Variants in ZNF69 observed in about 807,000 individuals in gnomAD.
The protein encoded by ZNF69 is zinc finger protein 69.
ZNF69 carries 47 observed loss-of-function variants against 50.9 expected under a neutral mutation model. The observed-to-expected ratio is 0.92, with a 90% CI of 0.73 to 1.18. The LOEUF (loss-of-function observed/expected upper bound fraction) is 1.18. Among genes scored for constraint, ZNF69 ranks in the 50% most tolerant of loss-of-function variants. The pLI is 0.00. For missense variants in ZNF69, 717 were observed against 675.1 expected (o/e 1.06, Z -0.69); for synonymous variants, 216 against 223.1 (o/e 0.97, Z 0.29).
At chr19:11,890,133 T>C (rs188737884) in intron 1 of ZNF69, among the ~76,000 whole-genome samples, 16 of 152,274 alleles carry the variant, frequency 1.1e-4, no homozygotes, top group Non-Finnish European at 2.1e-4. Flanking sequence ...CTTCCTCTTA[T>C]CTCAACTGCA....
At chr19:11,918,488 G>A (rs1016273355), downstream of ZNF69, among the ~76,000 whole-genome samples, 3 of 151,806 alleles carry the variant, frequency 2.0e-5, no homozygotes, top group East Asian at 1.9e-4. Flanking sequence ...TTTTCTCCTC[G>A]TTTTCTTTTA....
chr19:11,901,098 G>T (rs1264582080), intron 1 of ZNF69, among the ~76,000 whole-genome samples: 2 of 151,958 alleles, frequency 1.3e-5, no homozygotes, highest in Non-Finnish European at 2.9e-5. Flanking sequence ...ACTTTATTAT[G>T]GAGACAGGGT....
chr19:11,922,794 A>C, the ZNF69 span, among the ~76,000 whole-genome samples: 4 of 150,852 alleles, frequency 2.7e-5, no homozygotes, highest in Non-Finnish European at 5.9e-5. Context: ...TTCCCCGGGG[A>C]GTCTGGTGGG....
At chr19:11,978,139 A>G in the ZNF69 span, 21 of 1,613,076 alleles carry the variant, frequency 1.3e-5, no homozygotes, top group Admixed American at 1.3e-4. Context: ...GGGAATGTCA[A>G]TGAAATTAAA....
the ZNF69 span, among the ~76,000 whole-genome samples, chr19:11,938,052 CTATT>C: frequency 6.6e-6 from 1 of 152,072 alleles, no homozygotes; most frequent in East Asian, 1.9e-4. Flanking sequence ...TTTTCTGCCT[CTATT>C]TATTCATTCT....
At position 11,904,716 on chromosome 19, in the gene ZNF69, G is replaced by A; in HGVS notation, c.319G>A (p.Val107Ile). ...DSHCGETFTQ[V>I]PDDRLNFQEK... is the part of the protein sequence containing the mutation. ...TCATTGTGGAGAAACTTTTACCCAG[G>A]TTCCAGATGACAGGCTGAACTTCCA... The change falls in exon 4 of 4, where the codon GTT becomes ATT. Residue 107 changes from valine to isoleucine, a missense_variant. Val to Ile is a conservative substitution (Grantham distance 29). Transcript: ENST00000429654. 1.2e-6 allele frequency: 2 copies of A among 1,613,970 alleles called. No individual in the cohort carries two copies. The highest frequency in any genetic ancestry group is 1.7e-6 in the Non-Finnish European group (2 of 1,179,862).
the ZNF69 span, chr19:11,949,098 A>G: frequency 6.2e-7 from 1 of 1,612,260 alleles, no homozygotes; most frequent in South Asian, 1.1e-5. Context: ...TGAACTCTGG[A>G]GAAAGACCTT....
chr19:11,954,798 G>C, the ZNF69 span, among the ~76,000 whole-genome samples: 1 of 152,068 alleles, frequency 6.6e-6, no homozygotes, highest in African/African-American at 2.4e-5. Context: ...TCCAGCCTGG[G>C]TAATTGAGTG....
chr19:11,935,855 C>G, the ZNF69 span, among the ~76,000 whole-genome samples: 1 of 152,182 alleles, frequency 6.6e-6, no homozygotes, highest in Admixed American at 6.5e-5. Flanking sequence ...TATCCTCCTC[C>G]CAGCCCTCCA....
chr19:11,913,196 C>CA (rs919269273), intron 4 of ZNF69, among the ~76,000 whole-genome samples: 24 of 140,046 alleles, frequency 1.7e-4, no homozygotes, highest in South Asian at 4.5e-4. Flanking sequence ...GGCTCCGTTT[C>CA]AAAAAAAAAA....
Position 11,904,045 on chromosome 19 carries a change from A to C in ZNF69, c.251+80A>C, listed in dbSNP as rs970588520. 4.1e-6 allele frequency: 6 copies of C among 1,478,866 alleles called. No individual in the cohort carries two copies. In the African/African-American group the frequency reaches 7.2e-5, roughly 18 times the overall value. The allele number at this position is 1,478,866 out of a possible 1,614,324, so 91.6% of individuals were successfully genotyped here. On this transcript the variant is annotated intron_variant, in intron 3 of 3. Transcript: ENST00000429654. ...ACAATATATTAAAAATAAGTAAAAG[A>C]ACTAAGTCCAGGATCAAATACATTT...
rs559896461 is a variant in ZNF69, at chr19:11,898,536, A to G, written c.64-5037A>G. Among the ~76,000 whole-genome samples, 107 of 152,040 alleles carry G rather than the reference A, an allele frequency of 7.0e-4. 1 individual carries two copies. The highest frequency in any genetic ancestry group is 1.2e-3 in the Non-Finnish European group (83 of 67,986). The stretch of plus-strand genomic sequence containing the variant: ...CTCCGGAGTAGCTGGGAATACAGGC[A>G]CACACCACCACACCCAACTAATTTT... On this transcript the variant is annotated intron_variant, in intron 1 of 3. Coordinates refer to ENST00000429654, the MANE Select transcript of ZNF69 (RefSeq NM_001364730.1).
the ZNF69 span, chr19:11,947,491 A>G: frequency 5.6e-6 from 9 of 1,610,988 alleles, no homozygotes; most frequent in South Asian, 1.1e-5. Context: ...CTTCAGGACT[A>G]TTTTTCTGTG....
chr19:11,978,839 T>C, the ZNF69 span: 1 of 1,614,164 alleles, frequency 6.2e-7, no homozygotes, highest in South Asian at 1.1e-5. Flanking sequence ...ATGAAAGAAC[T>C]CACACTGGGG....
the ZNF69 span, among the ~76,000 whole-genome samples, chr19:11,959,386 TG>T: frequency 6.6e-6 from 1 of 152,246 alleles, no homozygotes. Context: ...AGTTCTGGTG[TG>T]TCTCCTTGGT....
chr19:11,932,635 A>ATTT, the ZNF69 span, among the ~76,000 whole-genome samples: 53 of 116,832 alleles, frequency 4.5e-4, 3 homozygotes, highest in Admixed American at 1.2e-3. Context: ...CCAATATGTG[A>ATTT]TTTTTTTTTT....
the ZNF69 span, among the ~76,000 whole-genome samples, chr19:11,947,869 T>A: frequency 1.2e-4 from 19 of 152,070 alleles, no homozygotes; most frequent in South Asian, 3.3e-3. Flanking sequence ...CTGGGCATTG[T>A]GGTGTGTATG....
At chr19:11,963,705 A>C in the ZNF69 span, among the ~76,000 whole-genome samples, 1 of 150,970 alleles carries the variant, frequency 6.6e-6, no homozygotes, top group African/African-American at 2.4e-5. Flanking sequence ...AAACCGCCCG[A>C]CTCTCTTCTC....
the ZNF69 span, among the ~76,000 whole-genome samples, chr19:11,976,296 G>T: frequency 1.3e-5 from 2 of 151,522 alleles, no homozygotes; most frequent in Non-Finnish European, 2.9e-5. Context: ...AGACAGTAGG[G>T]ACAGCCCAGG....
Sources: gnomAD v4.1 joint callset for allele counts (sites outside exome capture counted in the v4.1 genomes callset) on GRCh38, gnomAD v4.1.1 for gene constraint, MANE v1.5 for transcripts, NCBI Gene and HGNC (gene_info 2026-07-23, HGNC 2026-07-21) for gene names.